ANO10: variants seen among roughly 807,000 people sequenced by gnomAD.
ANO10 encodes the protein anoctamin-10.
Under a neutral mutation model 74.7 loss-of-function variants are expected in ANO10, and 77 were observed. That is an observed-to-expected ratio of 1.03 (90% CI 0.86 to 1.25). ANO10 has a LOEUF of 1.25. ANO10 is among the 50% of genes most tolerant of loss of function. The pLI is 0.00. For missense variants in ANO10, 721 were observed against 778.1 expected (o/e 0.93, Z 0.87); for synonymous variants, 279 against 284.9 (o/e 0.98, Z 0.21).
At position 43,366,962 on chromosome 3, in the gene ANO10, C is replaced by A; in HGVS notation, c.1927G>T (p.Val643Leu). Residue 643 changes from valine (V) to leucine (L), a missense_variant, in exon 13 of 13, where the codon GTG (valine) becomes TTG (leucine). By Grantham distance (32) the Val-to-Leu change is conservative (BLOSUM62 1). Transcript: ENST00000292246. ...EALKQQQMKLVTENLKEEPME... is the reference protein window; with the variant it reads ...EALKQQQMKLLTENLKEEPME... ...GGTTCCTCCTTCAGGTTCTCGGTCA[C>A]GAGCTTCATTTGCTGTTAAGAGAAA... The A allele has an allele frequency of 6.2e-7, 1 of 1,601,724 alleles. No homozygotes were observed.
At chr3:43,389,470 T>C (rs953626621) in intron 12 of ANO10, among the ~76,000 whole-genome samples, 16 of 152,240 alleles carry the variant, frequency 1.1e-4, no homozygotes, top group African/African-American at 3.6e-4. Context: ...AGCCCACAGC[T>C]GATTCACAGT....
chr3:43,482,931 G>A (rs1210315601), intron 11 of ANO10, among the ~76,000 whole-genome samples: 3 of 152,172 alleles, frequency 2.0e-5, no homozygotes, highest in Non-Finnish European at 2.9e-5. Context: ...AGCTGAGGGA[G>A]GAGGGCCAAT....
At chr3:43,406,597 T>C (rs1376309256) in intron 12 of ANO10, among the ~76,000 whole-genome samples, 1 of 152,192 alleles carries the variant, frequency 6.6e-6, no homozygotes, top group African/African-American at 2.4e-5. Context: ...ACATGACGAA[T>C]CACATGCCAC....
intron 4 of ANO10, among the ~76,000 whole-genome samples, chr3:43,582,750 A>C (rs920118568): frequency 2.0e-5 from 3 of 152,176 alleles, no homozygotes; most frequent in Non-Finnish European, 4.4e-5. Flanking sequence ...AAAAGTATAT[A>C]CTCAAAGTAT....
Position 43,565,737 on chromosome 3 carries a change from A to G in ANO10, c.1219-10T>C. On this transcript the variant is annotated splice_polypyrimidine_tract_variant and intron_variant, in intron 7 of 12. Coordinates refer to ENST00000292246, the MANE Select transcript of ANO10 (RefSeq NM_018075.5). ...AATTGAGGAAGTTGAACTGCCAAAAAAAAAAAAAAAAAAGATAAGTGTTAA... is the reference window on the plus strand; with the variant it reads ...AATTGAGGAAGTTGAACTGCCAAAAGAAAAAAAAAAAAAGATAAGTGTTAA... 1 of 1,514,134 alleles carries G rather than the reference A, an allele frequency of 6.6e-7. No homozygotes were observed. Among genetic ancestry groups the G allele is most frequent in the Non-Finnish European group, 8.9e-7 (1 of 1,118,194 alleles). 93.8% of individuals were successfully genotyped at this position (1,514,134 alleles called of 1,614,324 possible). A position where few individuals can be genotyped will look rare whatever the true frequency, so the allele number is the denominator to read the frequency against.
chr3:43,367,479 A>C (rs964175237), intron 12 of ANO10, among the ~76,000 whole-genome samples: 1 of 152,134 alleles, frequency 6.6e-6, no homozygotes, highest in African/African-American at 2.4e-5. Flanking sequence ...AAATCATCAG[A>C]TGTTTCTCAC....
intron 1 of ANO10, chr3:43,691,240 C>T (rs931341502): frequency 4.5e-6 from 2 of 444,970 alleles, no homozygotes; most frequent in Admixed American, 4.5e-5. Context: ...CTCCCCTCAG[C>T]GTCGGGGCCC....
At chr3:43,388,289 G>A (rs1427748019) in intron 12 of ANO10, among the ~76,000 whole-genome samples, 1 of 152,108 alleles carries the variant, frequency 6.6e-6, no homozygotes, top group African/African-American at 2.4e-5. Flanking sequence ...CTGAGATAGG[G>A]TTTTGAGAAC....
At chr3:43,678,974 C>T (rs2084158818) in intron 1 of ANO10, among the ~76,000 whole-genome samples, 1 of 152,134 alleles carries the variant, frequency 6.6e-6, no homozygotes, top group Admixed American at 6.5e-5. Flanking sequence ...GCCAAGATGG[C>T]TGAATAGGAA....
chr3:43,591,153 G>A (rs1023316829), intron 4 of ANO10, among the ~76,000 whole-genome samples: 1 of 152,174 alleles, frequency 6.6e-6, no homozygotes, highest in African/African-American at 2.4e-5. Context: ...CTTCTGGTCC[G>A]TGTTTGCTCC....
chr3:43,655,370 C>T (rs2083836588), intron 1 of ANO10, among the ~76,000 whole-genome samples: 1 of 152,180 alleles, frequency 6.6e-6, no homozygotes, highest in African/African-American at 2.4e-5. Flanking sequence ...AGGAGTGAAG[C>T]TGCAGACCTT....
intron 1 of ANO10, among the ~76,000 whole-genome samples, chr3:43,643,740 G>A (rs1477191274): frequency 2.1e-5 from 3 of 144,330 alleles, no homozygotes; most frequent in African/African-American, 8.0e-5. Context: ...CTGGAGTGCA[G>A]TGGCGCAATC....
At position 43,565,669 on chromosome 3, in the gene ANO10, A is replaced by AT; in HGVS notation, c.1276dup (p.Met426AsnfsTer50). ...TTTACTTACCTGGCGCAAAAGCTTC[A>AT]TATCTTTCAAGACAAAGGCAATATA... On this transcript the variant is annotated frameshift_variant, in exon 8 of 13. Transcript: ENST00000292246. LOFTEE classifies it high-confidence loss of function. The AT allele has an allele frequency of 3.8e-6, 6 of 1,584,250 alleles. No homozygotes were observed. The highest frequency in any genetic ancestry group is 5.2e-6 in the Non-Finnish European group (6 of 1,164,238).
intron 11 of ANO10, among the ~76,000 whole-genome samples, chr3:43,463,948 C>T (rs1463492786): frequency 6.6e-6 from 1 of 152,154 alleles, no homozygotes; most frequent in East Asian, 1.9e-4. Flanking sequence ...CTTTCCCATG[C>T]TGTTCTCGTG....
chr3:43,681,174 C>T (rs1363438500), intron 1 of ANO10, among the ~76,000 whole-genome samples: 5 of 152,030 alleles, frequency 3.3e-5, no homozygotes, highest in South Asian at 4.2e-4. Context: ...GTATTATATT[C>T]GGGAAACCCA....
intron 1 of ANO10, among the ~76,000 whole-genome samples, chr3:43,655,719 G>C (rs1217685049): frequency 2.8e-4 from 43 of 151,938 alleles, no homozygotes; most frequent in African/African-American, 7.5e-4. Context: ...CAGCTAGATA[G>C]AGTGTTGATT....
At chr3:43,439,816 T>C (rs941853844) in intron 11 of ANO10, among the ~76,000 whole-genome samples, 2 of 152,006 alleles carry the variant, frequency 1.3e-5, no homozygotes, top group African/African-American at 4.8e-5. Flanking sequence ...AGGGAAGTTG[T>C]GGTTGCAGTG....
At chr3:43,656,884 G>A (rs4682693) in intron 1 of ANO10, among the ~76,000 whole-genome samples, 3,987 of 152,380 alleles carry the variant, frequency 0.026, 150 homozygotes, top group Admixed American at 0.097. Flanking sequence ...ACAGTGCAGC[G>A]GTGGGCTGAA....
intron 11 of ANO10, among the ~76,000 whole-genome samples, chr3:43,530,334 G>C (rs1368331134): frequency 9.2e-6 from 1 of 108,840 alleles, no homozygotes; most frequent in Non-Finnish European, 2.1e-5. Flanking sequence ...ACAAGTGAAC[G>C]AAAAGTAAGC....
Sources: allele counts gnomAD v4.1 joint callset (sites outside exome capture counted in the v4.1 genomes callset), GRCh38; gene constraint gnomAD v4.1.1; transcripts MANE v1.5; gene names NCBI Gene and HGNC (gene_info 2026-07-23, HGNC 2026-07-21).